Variants in NLRP6 observed in about 807,000 individuals in gnomAD.
NLRP6 encodes the protein NACHT, LRR and PYD domains-containing protein 6.
A neutral mutation model predicts 70.9 loss-of-function variants in NLRP6; 55 were observed. The ratio of observed to expected loss-of-function variants is 0.78; its 90% CI spans 0.62 to 0.97. The LOEUF (loss-of-function observed/expected upper bound fraction) is 0.97, where lower values mean the gene tolerates loss of function less well. NLRP6 is among the 50% of genes least tolerant of loss of function. The pLI, the probability that NLRP6 is intolerant of heterozygous loss-of-function variation, is 0.00. For synonymous variants in NLRP6, 652 were observed against 581.9 expected (o/e 1.12, Z -1.73); for missense variants, 1,241 against 1,238.3 (o/e 1.00, Z -0.03).
chr11:284,755 C>T (rs960932682), intron 7 of NLRP6, 113 bp downstream of exon 7: 5 of 1,001,652 alleles, frequency 5.0e-6, no homozygotes, highest in Middle Eastern at 3.2e-4. Flanking sequence ...CAGAGACCTC[C>T]CATGTGACTG....
At position 280,689 on chromosome 11, in the gene NLRP6, A is replaced by C. The variant is rs2134007917; in HGVS notation, c.955A>C (p.Thr319Pro). Residue 319 changes from threonine (T) to proline (P), a missense_variant, in exon 4 of 8, where the codon ACG becomes CCG. Transcript: ENST00000534750. ...GGLLSKALLP[T>P]ALLLVTTRAA... The stretch of plus-strand genomic sequence containing the variant: ...GCTGCTGAGCAAGGCGCTGCTGCCC[A>C]CGGCCCTCCTGCTGGTGACCACGCG... 1 of 1,564,060 alleles carries C rather than the reference A, an allele frequency of 6.4e-7. No individual in the cohort carries two copies. Among genetic ancestry groups the C allele is most frequent in the Non-Finnish European group, 8.6e-7 (1 of 1,159,442 alleles).
At chr11:283,311 C>CT (rs34619806) in intron 5 of NLRP6, among the ~76,000 whole-genome samples, 44,428 of 115,424 alleles carry the variant, frequency 0.38, 10,696 homozygotes, top group Non-Finnish European at 0.51. Context: ...ATGTACAGTT[C>CT]TTTTTTTTTT....
rs558157091 is a variant in NLRP6 at position 281,191 on chromosome 11, C to T, written c.1457C>T (p.Pro486Leu). ...QTLFLSKKELPGVLETEVTYQ... is the reference protein window; with the variant it reads ...QTLFLSKKELLGVLETEVTYQ... ...CTGTTTCTCAGCAAAAAGGAGCTGC[C>T]GGGCGTGCTGGAGACAGAGGTCACC... The change falls in exon 4 of 8, where the codon CCG becomes CTG. Residue 486 changes from proline to leucine, a missense_variant. Pro to Leu is a moderately conservative substitution (Grantham distance 98, BLOSUM62 -3). Coordinates refer to ENST00000534750, the MANE Select transcript of NLRP6 (RefSeq NM_001276700.2). 2 of 1,613,208 alleles carry T rather than the reference C, an allele frequency of 1.2e-6. No homozygotes were observed. Among genetic ancestry groups the T allele is most frequent in the East Asian group, 4.5e-5 (2 of 44,884 alleles).
At position 285,249 on chromosome 11, in the gene NLRP6, A is replaced by C. The variant is rs1321853232; in HGVS notation, c.2621A>C (p.His874Pro). Residue 874 changes from histidine (H) to proline (P), a missense_variant, in exon 8 of 8, where the codon CAC (histidine) becomes CCC (proline). Physicochemically the swap from His to Pro is moderately conservative, Grantham distance 77 (BLOSUM62 -2). Transcript: ENST00000534750. The part of the protein sequence containing the change: ...KRAKPDLVIT[H>P]PALDGHPQPP... Reference sequence around the variant, plus strand: ...GCAAAGCCGGATCTGGTCATCACACACCCAGCGCTGGACGGCCACCCACAA... The same window carrying C: ...GCAAAGCCGGATCTGGTCATCACACCCCCAGCGCTGGACGGCCACCCACAA... The C allele has an allele frequency of 6.2e-7, 1 of 1,607,118 alleles. No individual in the cohort carries two copies. Among genetic ancestry groups the C allele is most frequent in the Non-Finnish European group, 8.5e-7 (1 of 1,176,520 alleles).
chr11:280,838 C>G lies in NLRP6; in HGVS notation c.1104C>G (p.Ala368=). The change falls in exon 4 of 8, where the codon GCC becomes GCG. Residue 368 remains alanine, a synonymous_variant. Coordinates refer to ENST00000534750, the MANE Select transcript of NLRP6 (RefSeq NM_001276700.2). Reference sequence around the variant, plus strand: ...AGTATTTCCGGGATGAGAGGAGGGCCGAGCGCGCCTACCGCTTCGTGAAGG... The same window carrying G: ...AGTATTTCCGGGATGAGAGGAGGGCGGAGCGCGCCTACCGCTTCGTGAAGG... The part of the protein sequence containing the change: ...FYKYFRDERR[A]ERAYRFVKEN... 2 of 1,613,248 alleles carry G rather than the reference C, an allele frequency of 1.2e-6. No homozygotes were observed. Among genetic ancestry groups the G allele is most frequent in the East Asian group, 2.2e-5 (1 of 44,890 alleles).
Position 285,149 on chromosome 11 carries a change from T to C in NLRP6, c.2538-17T>C, listed in dbSNP as rs1177259406. The C allele has an allele frequency of 6.4e-7, 1 of 1,572,882 alleles. No homozygotes were observed. The highest frequency in any genetic ancestry group is 8.6e-7 in the Non-Finnish European group (1 of 1,159,096). On this transcript the variant is annotated splice_polypyrimidine_tract_variant and intron_variant, in intron 7 of 7. Coordinates refer to ENST00000534750, the MANE Select transcript of NLRP6 (RefSeq NM_001276700.2). Reference sequence around the variant, plus strand: ...CCCCCACCGCTGACCCCGCTTCTGCTCTGCGTGTGGCTGCAGTCTGGCCTC... The same window carrying C: ...CCCCCACCGCTGACCCCGCTTCTGCCCTGCGTGTGGCTGCAGTCTGGCCTC...
intron 5 of NLRP6, among the ~76,000 whole-genome samples, chr11:283,050 C>T (rs558496287): frequency 1.3e-5 from 2 of 152,256 alleles, no homozygotes; most frequent in South Asian, 4.1e-4. Context: ...GCTAAGCACA[C>T]TGAGGGAGGG....
intron 4 of NLRP6, 27 bp from the exon 5 acceptor site, chr11:282,678 G>C: frequency 6.3e-7 from 1 of 1,578,614 alleles, no homozygotes; most frequent in Non-Finnish European, 8.7e-7. Flanking sequence ...AGCAGGGTGG[G>C]CTTCACCTTC....
Position 278,604 on chromosome 11 carries a change from T to C in NLRP6, c.29+6T>C. 1 of 1,586,146 alleles carries C rather than the reference T, an allele frequency of 6.3e-7. No individual in the cohort carries two copies. Among genetic ancestry groups the C allele is most frequent in the Non-Finnish European group, 8.6e-7 (1 of 1,167,192 alleles). ...CCAGAGGCCCCCTGCTCCAGGTGAGTGCTGGCCCCAGGGTGGTCACTGGGA... is the reference window on the plus strand; with the variant it reads ...CCAGAGGCCCCCTGCTCCAGGTGAGCGCTGGCCCCAGGGTGGTCACTGGGA... On this transcript the variant is annotated splice_donor_region_variant and intron_variant, in intron 1 of 7. Transcript: ENST00000534750. The surrounding 1 kb of genome is among the most constrained non-coding windows in gnomAD (Gnocchi z 4.7).
rs2134008526 is a variant in NLRP6 at position 281,303 on chromosome 11, T to A, written c.1569T>A (p.Ala523=). The change falls in exon 4 of 8, where the codon GCT becomes GCA. Residue 523 remains alanine (A), a synonymous_variant. Coordinates refer to ENST00000534750, the MANE Select transcript of NLRP6 (RefSeq NM_001276700.2). ...LEDGGVPRTA[A]GGVGTLLRGD... ...ACGGCGGGGTGCCCAGGACCGCGGCTGGCGGCGTTGGGACACTCCTGCGTG... is the reference window on the plus strand; with the variant it reads ...ACGGCGGGGTGCCCAGGACCGCGGCAGGCGGCGTTGGGACACTCCTGCGTG... 1 of 1,609,000 alleles carries A rather than the reference T, an allele frequency of 6.2e-7. No homozygotes were observed. The highest frequency in any genetic ancestry group is 2.2e-5 in the East Asian group (1 of 44,806).
In NLRP6 at chr11:279,443, G is replaced by A. The variant is rs751415614; in HGVS notation, c.146G>A (p.Arg49His). Reference sequence around the variant, plus strand: ...CTGCGCGACGTGGGCCCGGACGGACGCAGCATCCCGTGGGGGCGGCTGGAG... The same window carrying A: ...CTGCGCGACGTGGGCCCGGACGGACACAGCATCCCGTGGGGGCGGCTGGAG... ...HKLRDVGPDG[R>H]SIPWGRLERA... Residue 49 changes from arginine (R) to histidine (H), a missense_variant, in exon 2 of 8, where the codon CGC (arginine) becomes CAC (histidine). Transcript: ENST00000534750. The A allele has an allele frequency of 1.7e-5, 24 of 1,392,960 alleles. 1 individual carries two copies. In the East Asian group the frequency reaches 2.1e-4, roughly 12 times the overall value. The allele number at this position is 1,392,960 out of a possible 1,614,324, so 86.3% of individuals were successfully genotyped here. A position where few individuals can be genotyped will look rare whatever the true frequency, so the allele number is the denominator to read the frequency against.
At chr11:279,289 G>A (rs1326183587) in intron 1 of NLRP6, 38 bp from the exon 2 acceptor site, 7 of 1,247,966 alleles carry the variant, frequency 5.6e-6, no homozygotes, top group African/African-American at 4.7e-5. Flanking sequence ...GGTCACCCGA[G>A]GGCCGCTCCC....
In NLRP6 at chr11:284,403, G is replaced by A. The variant is rs1454726485; in HGVS notation, c.2369+3G>A. ...CAGTGCAGGGTGCAGACGGTCAGGTGAGGCCTGGCCTGGGAGGGACCGTGG... is the reference window on the plus strand; with the variant it reads ...CAGTGCAGGGTGCAGACGGTCAGGTAAGGCCTGGCCTGGGAGGGACCGTGG... On this transcript the variant is annotated splice_donor_region_variant and intron_variant, in intron 6 of 7. Transcript: ENST00000534750. 1.3e-6 allele frequency: 2 copies of A among 1,598,442 alleles called. No homozygotes were observed. Among genetic ancestry groups the A allele is most frequent in the Non-Finnish European group, 1.7e-6 (2 of 1,169,818 alleles).
At chr11:279,721 A>G in intron 2 of NLRP6, 113 bp from the exon 3 acceptor site, 1 of 1,344,642 alleles carries the variant, frequency 7.4e-7, no homozygotes, top group East Asian at 3.1e-5. Flanking sequence ...TTATCCACAA[A>G]TTCGCGGGCC....
intron 7 of NLRP6, among the ~76,000 whole-genome samples, chr11:284,847 TTGTC>T (rs1247148546): frequency 2.0e-5 from 3 of 152,148 alleles, no homozygotes; most frequent in Non-Finnish European, 2.9e-5. Flanking sequence ...CTTGACCACT[TTGTC>T]TGACCAAATG....
chr11:279,042 G>A, intron 1 of NLRP6: 1 of 368,026 alleles, frequency 2.7e-6, no homozygotes, highest in Non-Finnish European at 4.8e-6. Context: ...GAGGTGCAGG[G>A]GAGGAAGGTG....
Position 284,591 on chromosome 11 carries a change from C to T in NLRP6, c.2486C>T (p.Thr829Ile). Residue 829 changes from threonine to isoleucine, a missense_variant, in exon 7 of 8, where the codon ACC becomes ATC. Thr to Ile is a moderately conservative substitution (Grantham distance 89). Coordinates refer to ENST00000534750, the MANE Select transcript of NLRP6 (RefSeq NM_001276700.2). Reference protein sequence around the residue: ...SGCQLPAPMVTYLCAVLQHQG... With the variant: ...SGCQLPAPMVIYLCAVLQHQG... ...TGCCAACTGCCCGCCCCCATGGTGA[C>T]CTACCTGTGTGCAGTCCTGCAGCAC... is the stretch of plus-strand genomic sequence containing the variant. 1.2e-6 allele frequency: 2 copies of T among 1,611,756 alleles called. No individual in the cohort carries two copies. Among genetic ancestry groups the T allele is most frequent in the Non-Finnish European group, 8.5e-7 (1 of 1,179,830 alleles).
Position 281,696 on chromosome 11 carries a change from G to A in NLRP6, c.1962G>A (p.Met654Ile), listed in dbSNP as rs769989455. 6.2e-7 allele frequency: 1 copy of A among 1,613,350 alleles called. No homozygotes were observed. Among genetic ancestry groups the A allele is most frequent in the African/African-American group, 1.3e-5 (1 of 74,952 alleles). The change falls in exon 4 of 8, where the codon ATG (methionine) becomes ATA (isoleucine). Residue 654 changes from methionine to isoleucine, a missense_variant. Transcript: ENST00000534750. ...TGCAGCGAGTGCGCTTCTGCCGCAT[G>A]GACGTGGCTGTTCTGAGCTACTGCG... Reference protein sequence around the residue: ...LALQRVRFCRMDVAVLSYCVR... With the variant: ...LALQRVRFCRIDVAVLSYCVR...
chr11:284,732 G>A (rs951782164), intron 7 of NLRP6, 90 bp downstream of exon 7: 8 of 1,283,640 alleles, frequency 6.2e-6, no homozygotes, highest in Admixed American at 2.3e-5. Flanking sequence ...GGACCCTGAA[G>A]AGGGGCCCCT....
Sources: gnomAD v4.1 joint callset for allele counts (sites outside exome capture counted in the v4.1 genomes callset) on GRCh38, gnomAD v4.1.1 for gene constraint, Gnocchi (gnomAD v3.1) non-coding constraint, MANE v1.5 for transcripts, NCBI Gene and HGNC (gene_info 2026-07-23, HGNC 2026-07-21) for gene names.